The following KCNIP4 variants were observed in gnomAD, a reference collection of about 807,000 sequenced individuals.
KCNIP4 encodes the protein potassium voltage-gated channel interacting protein 4.
A neutral mutation model predicts 34.0 loss-of-function variants in KCNIP4; 12 were observed. The ratio of observed to expected loss-of-function variants is 0.35; its 90% confidence interval spans 0.23 to 0.57. KCNIP4 has a LOEUF of 0.57. Ranked by LOEUF, KCNIP4 falls within the 20% of genes least tolerant of loss-of-function variation. KCNIP4 has a pLI of 0.83. For missense variants in KCNIP4, 238 were observed against 311.7 expected (o/e 0.76, Z 1.78); for synonymous variants, 124 against 102.2 (o/e 1.21, Z -1.29).
At chr4:21,091,648 G>A (rs1240873178) in intron 1 of KCNIP4, among the ~76,000 whole-genome samples, 1 of 152,184 alleles carries the variant, frequency 6.6e-6, no homozygotes, top group East Asian at 1.9e-4. Flanking sequence ...ATTTCTCACA[G>A]CTCTGGAGGC....
chr4:21,784,434 T>A (rs1286420711), intron 1 of KCNIP4, among the ~76,000 whole-genome samples: 1 of 121,744 alleles, frequency 8.2e-6, no homozygotes. Context: ...AAAAAAAACA[T>A]TTTTTGATTA....
At chr4:21,733,165 G>C (rs1023961378) in intron 1 of KCNIP4, among the ~76,000 whole-genome samples, 1 of 151,964 alleles carries the variant, frequency 6.6e-6, no homozygotes, top group African/African-American at 2.4e-5. Flanking sequence ...CATTTTTTAT[G>C]CGCCAATCCC....
At chr4:21,641,036 T>C (rs1313506352) in intron 1 of KCNIP4, among the ~76,000 whole-genome samples, 1 of 152,240 alleles carries the variant, frequency 6.6e-6, no homozygotes, top group African/African-American at 2.4e-5. Context: ...CACCAAGTTC[T>C]TCTGCAAACT....
At chr4:21,631,507 T>A (rs1042053169) in intron 1 of KCNIP4, among the ~76,000 whole-genome samples, 2 of 152,196 alleles carry the variant, frequency 1.3e-5, no homozygotes, top group Admixed American at 1.3e-4. Context: ...TATACCTATA[T>A]TCCAGTTGGA....
chr4:21,065,759 TATATATAA>T lies in KCNIP4; in HGVS notation c.62-183058_62-183051del, dbSNP rs1420033424. On this transcript the variant is annotated intron_variant, in intron 1 of 8. Transcript: ENST00000382152. The stretch of plus-strand genomic sequence containing the variant: ...ATATATATATATATATATATATATA[TATATATAA>T]CTCAATTTTATTTTAAAAAATAGTA... Among the ~76,000 whole-genome samples the T allele has an allele frequency of 1.7e-3, 213 of 122,046 alleles. 1 individual carries two copies. Among genetic ancestry groups the T allele is most frequent in the African/African-American group, 5.8e-3 (204 of 35,048 alleles). 80.1% of individuals were successfully genotyped at this position (122,046 alleles called of 152,430 possible). A position where few individuals can be genotyped will look rare whatever the true frequency, so the allele number is the denominator to read the frequency against.
At chr4:21,566,012 T>A (rs903377758) in intron 1 of KCNIP4, among the ~76,000 whole-genome samples, 1 of 152,002 alleles carries the variant, frequency 6.6e-6, no homozygotes, top group East Asian at 1.9e-4. Context: ...CAGGGAAGCA[T>A]GAGCAAGCAA....
At chr4:21,690,823 T>C (rs1027886761) in intron 1 of KCNIP4, among the ~76,000 whole-genome samples, 24 of 152,158 alleles carry the variant, frequency 1.6e-4, no homozygotes, top group Admixed American at 1.4e-3. Flanking sequence ...TCAAATATCA[T>C]TTAATTTAGC....
At chr4:21,836,845 G>T (rs911969226) in intron 1 of KCNIP4, among the ~76,000 whole-genome samples, 4 of 151,294 alleles carry the variant, frequency 2.6e-5, no homozygotes, top group Non-Finnish European at 4.4e-5. Context: ...AGATGGATTT[G>T]TCCTCTCCCA....
chr4:21,007,145 C>T (rs1738641974), intron 1 of KCNIP4, among the ~76,000 whole-genome samples: 1 of 152,128 alleles, frequency 6.6e-6, no homozygotes, highest in Admixed American at 6.5e-5. Flanking sequence ...ATCAGCAGGT[C>T]TGGGAATGGG....
chr4:20,869,099 T>C (rs915001086), intron 2 of KCNIP4, among the ~76,000 whole-genome samples: 1 of 152,148 alleles, frequency 6.6e-6, no homozygotes, highest in African/African-American at 2.4e-5. Context: ...ACAGATGGAA[T>C]TGATTACCTA....
chr4:21,815,704 C>T (rs1449610329), intron 1 of KCNIP4, among the ~76,000 whole-genome samples: 3 of 152,100 alleles, frequency 2.0e-5, no homozygotes, highest in Non-Finnish European at 4.4e-5. Flanking sequence ...AGCTAATTTC[C>T]ATTCTCATAA....
intron 1 of KCNIP4, among the ~76,000 whole-genome samples, chr4:21,581,831 C>T (rs1391907902): frequency 2.0e-5 from 3 of 151,858 alleles, no homozygotes; most frequent in Non-Finnish European, 2.9e-5. Flanking sequence ...AATTATTAAC[C>T]TCTTACAAAT....
intron 1 of KCNIP4, among the ~76,000 whole-genome samples, chr4:21,744,077 C>A (rs1716606955): frequency 6.6e-6 from 1 of 152,224 alleles, no homozygotes; most frequent in South Asian, 2.1e-4. Context: ...TGAGCTACTA[C>A]TGCAATGTCA....
chr4:20,810,447 CA>C (rs1347205068), intron 3 of KCNIP4, among the ~76,000 whole-genome samples: 3 of 105,182 alleles, frequency 2.9e-5, no homozygotes, highest in African/African-American at 7.5e-5. Flanking sequence ...GAGTACAGGG[CA>C]GGGGGGAGGA....
At chr4:21,871,076 C>T (rs936288957) in intron 1 of KCNIP4, among the ~76,000 whole-genome samples, 4 of 151,484 alleles carry the variant, frequency 2.6e-5, no homozygotes, top group African/African-American at 9.7e-5. Context: ...AATTAAGCCC[C>T]ATTCTTGAGC....
intron 1 of KCNIP4, among the ~76,000 whole-genome samples, chr4:21,915,738 C>A (rs942444530): frequency 6.6e-6 from 1 of 152,200 alleles, no homozygotes; most frequent in African/African-American, 2.4e-5. Context: ...ATTGTAGAGA[C>A]CATCTCTTTC....
intron 1 of KCNIP4, among the ~76,000 whole-genome samples, chr4:21,415,683 C>T (rs1260655150): frequency 6.6e-6 from 1 of 152,076 alleles, no homozygotes; most frequent in Non-Finnish European, 1.5e-5. Context: ...GCCTGGGTGA[C>T]AGAGTGGGAC....
At chr4:21,302,806 G>A (rs2109246521) in intron 1 of KCNIP4, among the ~76,000 whole-genome samples, 1 of 152,216 alleles carries the variant, frequency 6.6e-6, no homozygotes, top group East Asian at 1.9e-4. Flanking sequence ...ATTTGTAAAT[G>A]CAATCTCATT....
At chr4:21,301,586 G>C (rs985943922) in intron 1 of KCNIP4, among the ~76,000 whole-genome samples, 3 of 152,112 alleles carry the variant, frequency 2.0e-5, no homozygotes, top group African/African-American at 7.2e-5. Context: ...AGGAGGAAAG[G>C]AACTCTCAGG....
Sources: allele counts gnomAD v4.1 joint callset (sites outside exome capture counted in the v4.1 genomes callset), GRCh38; gene constraint gnomAD v4.1.1; transcripts MANE v1.5; gene names NCBI Gene and HGNC (gene_info 2026-07-23, HGNC 2026-07-21).